Variants in ARHGAP15 observed in about 807,000 individuals in gnomAD.
ARHGAP15 encodes Rho GTPase activating protein 15.
ARHGAP15 carries 51 observed loss-of-function variants against 63.7 expected under a neutral mutation model. The ratio of observed to expected loss-of-function variants is 0.80; its 90% CI spans 0.64 to 1.01. The LOEUF is 1.01. Ranked by LOEUF, ARHGAP15 falls within the 50% of genes least tolerant of loss-of-function variation. The probability of loss-of-function intolerance (pLI) is 0.00; values close to 1 mark genes in which losing one functional copy is unlikely to be tolerated. For synonymous variants in ARHGAP15, 191 were observed against 193.8 expected (o/e 0.99, Z 0.12); for missense variants, 560 against 564.6 (o/e 0.99, Z 0.08).
At chr2:143,463,245 T>C (rs1277068994) in intron 8 of ARHGAP15, among the ~76,000 whole-genome samples, 1 of 151,468 alleles carries the variant, frequency 6.6e-6, no homozygotes, top group Non-Finnish European at 1.5e-5. Context: ...ATATCCATAA[T>C]ATATATATAT....
intron 9 of ARHGAP15, among the ~76,000 whole-genome samples, chr2:143,499,288 T>C (rs997636075): frequency 6.6e-6 from 1 of 152,192 alleles, no homozygotes; most frequent in Non-Finnish European, 1.5e-5. Flanking sequence ...AGTTCTGCTT[T>C]TGCAGCCAAT....
At chr2:143,131,941 A>C (rs1688932472) in intron 1 of ARHGAP15, among the ~76,000 whole-genome samples, 2 of 152,186 alleles carry the variant, frequency 1.3e-5, no homozygotes, top group African/African-American at 4.8e-5. Context: ...CATCCCAGTG[A>C]TGTATCCATT....
intron 10 of ARHGAP15, among the ~76,000 whole-genome samples, chr2:143,519,778 C>G (rs888186107): frequency 1.3e-5 from 2 of 152,196 alleles, no homozygotes; most frequent in Non-Finnish European, 2.9e-5. Flanking sequence ...GAATCACAGA[C>G]AGTGATATCC....
At chr2:143,178,283 A>C (rs1266542647) in intron 2 of ARHGAP15, among the ~76,000 whole-genome samples, 1 of 152,148 alleles carries the variant, frequency 6.6e-6, no homozygotes, top group Non-Finnish European at 1.5e-5. Context: ...AACTTCAAAA[A>C]TTATAGTTAT....
At chr2:143,542,380 T>G (rs1175610933) in intron 10 of ARHGAP15, among the ~76,000 whole-genome samples, 1 of 151,918 alleles carries the variant, frequency 6.6e-6, no homozygotes. Flanking sequence ...CTGCACCCAC[T>G]CTCCTGCAAC....
chr2:143,476,099 T>A (rs1341088029), intron 8 of ARHGAP15, among the ~76,000 whole-genome samples: 1 of 152,182 alleles, frequency 6.6e-6, no homozygotes, highest in Non-Finnish European at 1.5e-5. Flanking sequence ...AATTTAGGAA[T>A]ACTCTGCTTT....
At chr2:143,467,090 A>G (rs1417677980) in intron 8 of ARHGAP15, among the ~76,000 whole-genome samples, 1 of 152,064 alleles carries the variant, frequency 6.6e-6, no homozygotes, top group South Asian at 2.1e-4. Context: ...CAGCCTGAAA[A>G]TACCTACTCT....
intron 13 of ARHGAP15, among the ~76,000 whole-genome samples, chr2:143,718,653 C>T (rs1250245991): frequency 1.3e-5 from 2 of 152,196 alleles, no homozygotes; most frequent in Non-Finnish European, 2.9e-5. Context: ...TTTCCTCATA[C>T]ATTTTTCCAC....
chr2:143,402,741 T>C (rs902145226), intron 6 of ARHGAP15, among the ~76,000 whole-genome samples: 1 of 151,816 alleles, frequency 6.6e-6, no homozygotes, highest in Non-Finnish European at 1.5e-5. Context: ...AAGAGCCTCA[T>C]GTTGGGCTGA....
At position 143,228,674 on chromosome 2, in the gene ARHGAP15, T is replaced by G; in HGVS notation, c.384+6T>G. On this transcript the variant is annotated splice_donor_region_variant and intron_variant, in intron 5 of 13. Coordinates refer to ENST00000295095, the MANE Select transcript of ARHGAP15 (RefSeq NM_018460.4). ...AACAGGCTCTGTCCAATATGGTAAG[T>G]AATTCTCTGTTTCTATTGTTAAATA... is the stretch of plus-strand genomic sequence containing the variant. 1.3e-6 allele frequency: 2 copies of G among 1,527,550 alleles called. No homozygotes were observed. Among genetic ancestry groups the G allele is most frequent in the Non-Finnish European group, 1.8e-6 (2 of 1,132,054 alleles). The allele number at this position is 1,527,550 out of a possible 1,614,324, so 94.6% of individuals were successfully genotyped here.
chr2:143,690,780 G>A (rs964790556), intron 12 of ARHGAP15, among the ~76,000 whole-genome samples: 2 of 152,146 alleles, frequency 1.3e-5, no homozygotes, highest in African/African-American at 2.4e-5. Context: ...TACATTTGCA[G>A]AGAAAATACC....
intron 11 of ARHGAP15, among the ~76,000 whole-genome samples, chr2:143,595,781 C>T (rs572512551): frequency 1.3e-5 from 2 of 152,140 alleles, no homozygotes; most frequent in East Asian, 3.9e-4. Context: ...TTCCCATATA[C>T]TTTTTTCTTT....
intron 5 of ARHGAP15, among the ~76,000 whole-genome samples, chr2:143,235,242 G>GTTTTTTT (rs11447778): frequency 7.4e-6 from 1 of 136,000 alleles, no homozygotes; most frequent in Non-Finnish European, 1.6e-5. Context: ...TAGTAGAGTT[G>GTTTTTTT]TTTTTTTTTT....
chr2:143,583,102 G>A (rs1696975681), intron 11 of ARHGAP15, among the ~76,000 whole-genome samples: 1 of 152,108 alleles, frequency 6.6e-6, no homozygotes, highest in African/African-American at 2.4e-5. Flanking sequence ...TCCTGATCTT[G>A]CTAAAGGGGC....
chr2:143,138,337 T>C (rs1472911878), intron 1 of ARHGAP15, among the ~76,000 whole-genome samples: 2 of 152,076 alleles, frequency 1.3e-5, no homozygotes, highest in Non-Finnish European at 2.9e-5. Flanking sequence ...GAGTTGTACA[T>C]AGATCTGGGT....
intron 6 of ARHGAP15, among the ~76,000 whole-genome samples, chr2:143,313,285 G>A (rs1454105433): frequency 6.6e-6 from 1 of 152,132 alleles, no homozygotes; most frequent in East Asian, 1.9e-4. Context: ...GAAGACTGTT[G>A]ATTTGTTTGC....
At chr2:143,265,530 C>A (rs1247405406) in intron 6 of ARHGAP15, among the ~76,000 whole-genome samples, 2 of 152,020 alleles carry the variant, frequency 1.3e-5, no homozygotes, top group African/African-American at 4.8e-5. Flanking sequence ...TTGAAAATGA[C>A]CTTGCACGTT....
At chr2:143,200,756 T>A (rs1692080003) in intron 2 of ARHGAP15, among the ~76,000 whole-genome samples, 1 of 152,128 alleles carries the variant, frequency 6.6e-6, no homozygotes, top group African/African-American at 2.4e-5. Flanking sequence ...AGATTTATTT[T>A]AATTTGTTCT....
At chr2:143,461,506 GAAC>G (rs1254487189) in intron 8 of ARHGAP15, among the ~76,000 whole-genome samples, 3 of 152,010 alleles carry the variant, frequency 2.0e-5, no homozygotes, top group African/African-American at 7.2e-5. Flanking sequence ...AATGTTATAA[GAAC>G]AATATAAACA....
Sources: allele counts gnomAD v4.1 joint callset (sites outside exome capture counted in the v4.1 genomes callset), GRCh38; gene constraint gnomAD v4.1.1; transcripts MANE v1.5; gene names NCBI Gene and HGNC (gene_info 2026-07-23, HGNC 2026-07-21).